Variants in RPTOR observed in about 807,000 individuals in gnomAD.
The protein encoded by RPTOR is regulatory-associated protein of mTOR.
RPTOR carries 21 observed loss-of-function variants against 169.9 expected under a neutral mutation model. That is an observed-to-expected ratio of 0.12 (90% CI 0.09 to 0.18). The LOEUF is 0.18. Ranked by LOEUF, RPTOR falls within the 10% of genes least tolerant of loss-of-function variation. The pLI, the probability that RPTOR is intolerant of heterozygous loss-of-function variation, is 1.00. For synonymous variants in RPTOR, 732 were observed against 753.2 expected (o/e 0.97, Z 0.46); for missense variants, 1,133 against 1,855.9 (o/e 0.61, Z 7.16).
At chr17:80,685,909 T>C (rs2065943704) in intron 3 of RPTOR, among the ~76,000 whole-genome samples, 1 of 151,730 alleles carries the variant, frequency 6.6e-6, no homozygotes, top group South Asian at 2.1e-4. Flanking sequence ...GTGGGGGCAC[T>C]TTCCAGTCCT....
rs1380022661 is a variant in RPTOR, at chr17:80,743,560, G to C, written c.655-10450G>C. The C allele has an allele frequency of 9.5e-6, 5 of 524,686 alleles. No homozygotes were observed. The Admixed American group carries it at 2.6e-4, about 27-fold the overall frequency. The allele number at this position is 524,686 out of a possible 1,614,324, so 32.5% of individuals were successfully genotyped here. A position where few individuals can be genotyped will look rare whatever the true frequency, so the allele number is the denominator to read the frequency against. The stretch of plus-strand genomic sequence containing the variant: ...TCATCAGTTCTTGGGAAAGGTGCCT[G>C]CGTGGGCTAGAAATCATGGAACAAA... On this transcript the variant is annotated intron_variant, in intron 5 of 33. Coordinates refer to ENST00000306801, the MANE Select transcript of RPTOR (RefSeq NM_020761.3).
intron 28 of RPTOR, among the ~76,000 whole-genome samples, chr17:80,954,169 C>T (rs985313590): frequency 6.6e-6 from 1 of 152,190 alleles, no homozygotes; most frequent in Non-Finnish European, 1.5e-5. Flanking sequence ...GTTGCCCAGG[C>T]TGGCGTACAA....
chr17:80,839,219 A>G (rs1598343492), intron 10 of RPTOR, among the ~76,000 whole-genome samples: 1 of 152,188 alleles, frequency 6.6e-6, no homozygotes, highest in South Asian at 2.1e-4. Context: ...AACTCCTCAG[A>G]TGATTTTGAC....
At chr17:80,938,554 T>A (rs7219318) in intron 24 of RPTOR, among the ~76,000 whole-genome samples, 2 of 152,060 alleles carry the variant, frequency 1.3e-5, no homozygotes, top group Non-Finnish European at 2.9e-5. Context: ...CAAGTGAAAC[T>A]GGTTGCTAAG....
At chr17:80,856,809 C>T (rs2067857871) in intron 12 of RPTOR, among the ~76,000 whole-genome samples, 1 of 152,182 alleles carries the variant, frequency 6.6e-6, no homozygotes. Flanking sequence ...AGTTTCTTCC[C>T]TTTAAAGAAT....
At chr17:80,685,564 G>A (rs771020820) in intron 3 of RPTOR, among the ~76,000 whole-genome samples, 47 of 130,740 alleles carry the variant, frequency 3.6e-4, no homozygotes, top group Non-Finnish European at 6.4e-4. Flanking sequence ...ATGACCCACT[G>A]TGCCTGGCTA....
At chr17:80,770,726 G>A (rs1043761755) in intron 6 of RPTOR, among the ~76,000 whole-genome samples, 1 of 152,136 alleles carries the variant, frequency 6.6e-6, no homozygotes, top group Non-Finnish European at 1.5e-5. Context: ...CTACTTACCC[G>A]CCTCAAACGC....
intron 1 of RPTOR, among the ~76,000 whole-genome samples, chr17:80,580,820 G>T (rs1160975063): frequency 1.3e-5 from 2 of 152,110 alleles, no homozygotes; most frequent in African/African-American, 4.8e-5. Flanking sequence ...TAGATACGGG[G>T]TCTCCCTATG....
chr17:80,887,580 A>ATCCTGAGCCCG (rs1196777318), intron 17 of RPTOR, among the ~76,000 whole-genome samples: 1 of 152,114 alleles, frequency 6.6e-6, no homozygotes, highest in Admixed American at 6.5e-5. Context: ...CTCAAGGACC[A>ATCCTGAGCCCG]TCCTGAGCCC....
At chr17:80,627,105 G>A (rs990043714) in intron 2 of RPTOR, among the ~76,000 whole-genome samples, 3 of 152,070 alleles carry the variant, frequency 2.0e-5, no homozygotes, top group East Asian at 1.9e-4. Context: ...CATCCATGTC[G>A]TAGCATGTGT....
At chr17:80,795,015 T>C (rs2067087076) in intron 7 of RPTOR, among the ~76,000 whole-genome samples, 1 of 152,210 alleles carries the variant, frequency 6.6e-6, no homozygotes, top group South Asian at 2.1e-4. Context: ...CATGTGTACC[T>C]GCAGAAGTCA....
chr17:80,704,526 C>T (rs1052123944), intron 3 of RPTOR, among the ~76,000 whole-genome samples: 1 of 152,150 alleles, frequency 6.6e-6, no homozygotes, highest in Non-Finnish European at 1.5e-5. Flanking sequence ...CCTTGGGTAC[C>T]CAGCACCTGG....
chr17:80,555,717 A>T (rs951899682), intron 1 of RPTOR, among the ~76,000 whole-genome samples: 2 of 152,264 alleles, frequency 1.3e-5, no homozygotes, highest in Admixed American at 1.3e-4. Flanking sequence ...AACTGCATTT[A>T]TGAAAGAAAT....
chr17:80,963,154 C>A, intron 33 of RPTOR, 97 bp downstream of exon 33: 1 of 1,223,308 alleles, frequency 8.2e-7, no homozygotes, highest in Non-Finnish European at 1.1e-6. Context: ...CTGGCTACCC[C>A]ACACCACAGT....
chr17:80,802,714 C>T, intron 7 of RPTOR: 1 of 152,486 alleles, frequency 6.6e-6, no homozygotes, highest in Non-Finnish European at 1.5e-5. Context: ...TCCTTGAAGG[C>T]AGGCTCCCAG....
rs1409521691 is a variant in RPTOR, at chr17:80,959,524, G to A, written c.3478-554G>A. 1.3e-5 allele frequency among the ~76,000 whole-genome samples: 2 copies of A among 152,142 alleles called. No individual in the cohort carries two copies. The highest frequency in any genetic ancestry group is 2.9e-5 in the Non-Finnish European group (2 of 67,996). On this transcript the variant is annotated intron_variant, in intron 29 of 33. Transcript: ENST00000306801. The surrounding 1 kb of genome is among the most constrained non-coding windows in gnomAD (Gnocchi z 6.7). ...CGTGGAAAGCGCTCTCCCTCTCGTG[G>A]CCCTTTTCCTCCTGCGTCCCTGGCA...
chr17:80,647,600 T>C (rs2065606322), intron 3 of RPTOR, among the ~76,000 whole-genome samples: 1 of 152,188 alleles, frequency 6.6e-6, no homozygotes, highest in Non-Finnish European at 1.5e-5. Flanking sequence ...GCTTTAATTC[T>C]TCTGGTGCCT....
intron 3 of RPTOR, among the ~76,000 whole-genome samples, chr17:80,674,164 G>A (rs553988816): frequency 6.6e-6 from 1 of 152,268 alleles, no homozygotes; most frequent in African/African-American, 2.4e-5. Flanking sequence ...GCTCTGATAA[G>A]GGCTCCTTTC....
At chr17:80,926,514 G>A (rs2068813718) in intron 24 of RPTOR, among the ~76,000 whole-genome samples, 1 of 152,188 alleles carries the variant, frequency 6.6e-6, no homozygotes, top group South Asian at 2.1e-4. Context: ...GATGACTTCC[G>A]TGTTGTTTCT....
Sources: gnomAD v4.1 joint callset for allele counts (sites outside exome capture counted in the v4.1 genomes callset) on GRCh38, gnomAD v4.1.1 for gene constraint, Gnocchi (gnomAD v3.1) non-coding constraint, MANE v1.5 for transcripts, NCBI Gene and HGNC (gene_info 2026-07-23, HGNC 2026-07-21) for gene names.